FHIT: variants seen among roughly 807,000 people sequenced by gnomAD.
FHIT encodes the protein fragile histidine triad diadenosine triphosphatase.
Under a neutral mutation model 17.9 loss-of-function variants are expected in FHIT, and 19 were observed. The observed-to-expected ratio is 1.06, with a 90% CI of 0.74 to 1.56. The LOEUF (loss-of-function observed/expected upper bound fraction) is 1.56. Among genes scored for constraint, FHIT ranks in the 40% most tolerant of loss-of-function variants. The pLI, the probability that FHIT is intolerant of heterozygous loss-of-function variation, is 0.00. For missense variants in FHIT, 248 were observed against 189.2 expected (o/e 1.31, Z -1.82); for synonymous variants, 81 against 69.7 (o/e 1.16, Z -0.81).
intron 3 of FHIT, among the ~76,000 whole-genome samples, chr3:60,984,138 A>C (rs1710615668): frequency 6.6e-6 from 1 of 152,242 alleles, no homozygotes; most frequent in Non-Finnish European, 1.5e-5. Context: ...CAGCTTTTCC[A>C]GAACTGGAAT....
At chr3:60,133,908 C>T (rs1463614106) in intron 5 of FHIT, among the ~76,000 whole-genome samples, 1 of 150,388 alleles carries the variant, frequency 6.6e-6, no homozygotes, top group African/African-American at 2.4e-5. Flanking sequence ...AAAGAAAATA[C>T]TGTAGAGCTT....
At chr3:59,818,560 G>A (rs993249602) in intron 8 of FHIT, among the ~76,000 whole-genome samples, 2 of 152,138 alleles carry the variant, frequency 1.3e-5, no homozygotes, top group Non-Finnish European at 2.9e-5. Flanking sequence ...TCAAAAATAA[G>A]TTTTTTGGGG....
chr3:60,436,545 T>C (rs1036806293), intron 5 of FHIT, among the ~76,000 whole-genome samples: 11 of 145,946 alleles, frequency 7.5e-5, no homozygotes, highest in Non-Finnish European at 1.7e-4. Flanking sequence ...ATTAGCCTTT[T>C]AGTTTCTTCA....
At chr3:61,030,825 G>A (rs2032976160) in intron 3 of FHIT, among the ~76,000 whole-genome samples, 1 of 152,164 alleles carries the variant, frequency 6.6e-6, no homozygotes, top group East Asian at 1.9e-4. Flanking sequence ...CGGGATGGGG[G>A]CAGGGGGGTA....
At position 60,339,721 on chromosome 3, in the gene FHIT, C is replaced by T. The variant is rs114580307; in HGVS notation, c.103+197139G>A. ...TCAAAACACTAGTGACTGAAATTAA[C>T]TACATCGTGCTTCGGAACAGATGTG... On this transcript the variant is annotated intron_variant, in intron 5 of 9. Coordinates refer to ENST00000492590, the MANE Select transcript of FHIT (RefSeq NM_002012.4). Among the ~76,000 whole-genome samples the T allele has an allele frequency of 4.9e-4, 74 of 152,298 alleles. 1 individual carries two copies. The highest frequency in any genetic ancestry group is 1.7e-3 in the African/African-American group (70 of 41,580).
intron 4 of FHIT, among the ~76,000 whole-genome samples, chr3:60,682,673 TA>T (rs2040778129): frequency 6.6e-6 from 1 of 152,186 alleles, no homozygotes; most frequent in African/African-American, 2.4e-5. Flanking sequence ...GATGGAGATG[TA>T]AAAGGAAATG....
chr3:60,855,651 C>T (rs1302192364), intron 3 of FHIT, among the ~76,000 whole-genome samples: 2 of 152,142 alleles, frequency 1.3e-5, no homozygotes, highest in African/African-American at 2.4e-5. Flanking sequence ...GCATTCAGAA[C>T]TCACATACTA....
chr3:59,992,721 G>A (rs977243146), intron 7 of FHIT, among the ~76,000 whole-genome samples: 3 of 152,064 alleles, frequency 2.0e-5, no homozygotes, highest in African/African-American at 7.2e-5. Context: ...AACAGCAGAA[G>A]TAAGGCAGAG....
chr3:60,186,343 G>A (rs2107455260), intron 5 of FHIT, among the ~76,000 whole-genome samples: 1 of 152,172 alleles, frequency 6.6e-6, no homozygotes, highest in Non-Finnish European at 1.5e-5. Flanking sequence ...TACAGTGGAT[G>A]TTCAACTGTT....
At chr3:60,451,667 C>G (rs974265062) in intron 5 of FHIT, among the ~76,000 whole-genome samples, 1 of 151,948 alleles carries the variant, frequency 6.6e-6, no homozygotes, top group Admixed American at 6.6e-5. Flanking sequence ...TCATTTTGCA[C>G]AAAGATAACT....
At chr3:60,280,373 A>C (rs1707373724) in intron 5 of FHIT, among the ~76,000 whole-genome samples, 2 of 152,204 alleles carry the variant, frequency 1.3e-5, no homozygotes, top group Admixed American at 1.3e-4. Context: ...AAACATGAAA[A>C]TGTTACCTTC....
At chr3:60,310,234 G>A (rs759914609) in intron 5 of FHIT, among the ~76,000 whole-genome samples, 56 of 152,278 alleles carry the variant, frequency 3.7e-4, no homozygotes, top group Middle Eastern at 6.8e-3. Flanking sequence ...TGACCCACCA[G>A]TATGTCCAAA....
chr3:59,980,529 G>A (rs1445507003), intron 7 of FHIT, among the ~76,000 whole-genome samples: 1 of 152,142 alleles, frequency 6.6e-6, no homozygotes, highest in Non-Finnish European at 1.5e-5. Flanking sequence ...AGATGGATGG[G>A]ATGATAGCAG....
chr3:59,767,672 G>C (rs1379052468), intron 8 of FHIT, among the ~76,000 whole-genome samples: 2 of 152,150 alleles, frequency 1.3e-5, no homozygotes, highest in South Asian at 2.1e-4. Flanking sequence ...TTGAGTGCTT[G>C]CTGTCTGCCT....
intron 5 of FHIT, among the ~76,000 whole-genome samples, chr3:60,084,606 G>A (rs9823026): frequency 0.064 from 9,678 of 152,194 alleles, 547 homozygotes; most frequent in African/African-American, 0.15. Flanking sequence ...CATTATTGCT[G>A]GAGGATAAAA....
intron 3 of FHIT, among the ~76,000 whole-genome samples, chr3:60,902,279 C>T (rs1575665255): frequency 6.6e-6 from 1 of 152,160 alleles, no homozygotes; most frequent in African/African-American, 2.4e-5. Flanking sequence ...TGTCTGACTT[C>T]TTAGTGTAAA....
chr3:60,759,133 A>C (rs1699547995), intron 4 of FHIT, among the ~76,000 whole-genome samples: 1 of 152,112 alleles, frequency 6.6e-6, no homozygotes, highest in Non-Finnish European at 1.5e-5. Flanking sequence ...GACGGCAGGG[A>C]CAAGATGAAT....
chr3:59,953,416 T>C (rs1482431791), intron 7 of FHIT, among the ~76,000 whole-genome samples: 1 of 152,022 alleles, frequency 6.6e-6, no homozygotes, highest in Non-Finnish European at 1.5e-5. Context: ...TGCAAAACAC[T>C]TAGAGTTGAC....
intron 5 of FHIT, among the ~76,000 whole-genome samples, chr3:60,377,132 T>C (rs1036067087): frequency 6.6e-6 from 1 of 151,532 alleles, no homozygotes; most frequent in Non-Finnish European, 1.5e-5. Context: ...AGGAGAGGCA[T>C]AGAGTTCATC....
Sources: allele counts gnomAD v4.1 joint callset (sites outside exome capture counted in the v4.1 genomes callset), GRCh38; gene constraint gnomAD v4.1.1; transcripts MANE v1.5; gene names NCBI Gene and HGNC (gene_info 2026-07-23, HGNC 2026-07-21).